The following PRR12 variants were observed in gnomAD, a reference collection of about 807,000 sequenced individuals.
PRR12 encodes proline rich 12.
PRR12 carries 12 observed loss-of-function variants against 138.0 expected under a neutral mutation model. That is an observed-to-expected ratio of 0.09 (90% confidence interval 0.06 to 0.14). The LOEUF is 0.14. PRR12 is among the 10% of genes least tolerant of loss of function. The pLI is 1.00. For synonymous variants in PRR12, 1,567 were observed against 1,291.7 expected, an observed-to-expected ratio of 1.21 and a Z score of -4.57; for missense variants, 2,692 against 2,861.3, an observed-to-expected ratio of 0.94 and a Z score of 1.35.
Position 49,614,942 on chromosome 19 carries a change from G to A in PRR12, c.4957G>A (p.Val1653Ile). The stretch of plus-strand genomic sequence containing the variant: ...CCTCTATGTAAAGTTCCTGGAAAAT[G>A]TCAATAAGAAGGACTACGTGAGGGT... ...QRLYVKFLEN[V>I]NKKDYVRVCA... The change falls in exon 8 of 14, where the codon GTC (valine) becomes ATC (isoleucine). Residue 1653 changes from valine to isoleucine, a missense_variant. Coordinates refer to ENST00000418929, the MANE Select transcript of PRR12 (RefSeq NM_020719.3). This position sits in a 1 kb window ranked among gnomAD's most constrained non-coding sequence, Gnocchi z 5.0. 2 of 1,614,032 alleles carry A rather than the reference G, an allele frequency of 1.2e-6. No homozygotes were observed. The highest frequency in any genetic ancestry group is 1.1e-5 in the South Asian group (1 of 91,086).
chr19:49,601,544 C>A lies in PRR12; in HGVS notation c.4399C>A (p.Pro1467Thr), dbSNP rs754462329. Residue 1467 changes from proline to threonine, a missense_variant, in exon 6 of 14, where the codon CCT (proline) becomes ACT (threonine). Physicochemically the swap from Pro to Thr is conservative, Grantham distance 38. This residue lies in a region of PRR12 where 231 missense variants were observed against 200.8 expected (regional missense o/e 1.15). Coordinates refer to ENST00000418929, the MANE Select transcript of PRR12 (RefSeq NM_020719.3). The stretch of plus-strand genomic sequence containing the variant: ...ACCCACTCCACCTCCTGCCCCGACT[C>A]CTCAGCCTCAGCCTCCGCCACCCCC... ...PPPTPPPAPT[P>T]QPQPPPPPPP... is the part of the protein sequence containing the mutation. 9.7e-6 allele frequency: 15 copies of A among 1,539,414 alleles called. No individual in the cohort carries two copies. In the South Asian group the frequency reaches 1.4e-4, roughly 15 times the overall value.
rs781546463 is a variant in PRR12, at chr19:49,595,784, C to T, written c.1449C>T (p.Pro483=). The T allele has an allele frequency of 1.3e-6, 2 of 1,599,178 alleles. No individual in the cohort carries two copies. Among genetic ancestry groups the T allele is most frequent in the South Asian group, 1.1e-5 (1 of 90,038 alleles). ...PSYSGGPPQP[P]SGPPPPGLAT... is the part of the protein sequence containing the mutation. ...ACTCAGGGGGCCCCCCACAGCCCCC[C>T]AGCGGCCCCCCTCCTCCTGGCCTGG... is the stretch of plus-strand genomic sequence containing the variant. Residue 483 remains proline, a synonymous_variant, in exon 4 of 14, where the codon CCC becomes CCT. Coordinates refer to ENST00000418929, the MANE Select transcript of PRR12 (RefSeq NM_020719.3).
At chr19:49,601,447 G>A in intron 5 of PRR12, 44 bp from the exon 6 acceptor site, 1 of 1,106,488 alleles carries the variant, frequency 9.0e-7, no homozygotes, top group Non-Finnish European at 1.3e-6. Flanking sequence ...AAGGTGCCAG[G>A]AATGATGAAT....
rs944585668 is a variant in PRR12 at position 49,594,636 on chromosome 19, G to T, written c.361+21G>T. ...AACAGGTAAGCCCAGCGCCGGCCCT[G>T]CAGGGCCAGGGTGGGACTGGCTCGC... On this transcript the variant is annotated intron_variant, in intron 3 of 13. Transcript: ENST00000418929. This position sits in a 1 kb window ranked among gnomAD's most constrained non-coding sequence, Gnocchi z 5.6. The T allele has an allele frequency of 6.2e-7, 1 of 1,611,148 alleles. No homozygotes were observed. The highest frequency in any genetic ancestry group is 1.7e-5 in the Admixed American group (1 of 59,930).
Position 49,620,428 on chromosome 19 carries a change from G to T in PRR12, c.5574G>T (p.Val1858=). The T allele has an allele frequency of 6.3e-7, 1 of 1,599,468 alleles. No homozygotes were observed. The highest frequency in any genetic ancestry group is 1.1e-5 in the South Asian group (1 of 88,760). The change falls in exon 10 of 14, where the codon GTG becomes GTT. Residue 1858 remains valine (V), a synonymous_variant. Coordinates refer to ENST00000418929, the MANE Select transcript of PRR12 (RefSeq NM_020719.3). ...ACCGGAGCTACGTGGAGATGTTGGT[G>T]AGCACAGCACTTGACCCAGACATGA... The part of the protein sequence containing the change: ...EMYRSYVEML[V]STALDPDMIQ...
In PRR12 at chr19:49,601,732, G is replaced by C. The variant is rs1315157256; in HGVS notation, c.4587G>C (p.Glu1529Asp). The part of the protein sequence containing the change: ...AAAPLAAPPE[E>D]PAAPSPEDPE... ...CCCCACTGGCTGCTCCTCCTGAGGA[G>C]CCCGCCGCCCCGTCTCCCGAAGACC... The change falls in exon 6 of 14, where the codon GAG becomes GAC. Residue 1529 changes from glutamate (E) to aspartate (D), a missense_variant. By Grantham distance (45) the Glu-to-Asp change is conservative. Around this residue, in one of 11 missense-constraint regions of PRR12, gnomAD observed 231 missense variants for 200.8 expected, o/e 1.15. Transcript: ENST00000418929. 2 of 1,546,836 alleles carry C rather than the reference G, an allele frequency of 1.3e-6. No individual in the cohort carries two copies.
At position 49,615,906 on chromosome 19, in the gene PRR12, C is replaced by G. The variant is rs1485161379; in HGVS notation, c.5184C>G (p.Ala1728=). Reference sequence around the variant, plus strand: ...AGACGGCCATGCCTGAGCCCCCTGCCCCCGAGAAGCCCTCCCTCCTGCGGC... The same window carrying G: ...AGACGGCCATGCCTGAGCCCCCTGCGCCCGAGAAGCCCTCCCTCCTGCGGC... ...TPETAMPEPP[A]PEKPSLLRPV... Residue 1728 remains alanine (A), a synonymous_variant, in exon 9 of 14, where the codon GCC becomes GCG. Transcript: ENST00000418929. 1 of 1,563,928 alleles carries G rather than the reference C, an allele frequency of 6.4e-7. No individual in the cohort carries two copies. The highest frequency in any genetic ancestry group is 8.7e-7 in the Non-Finnish European group (1 of 1,154,252).
Position 49,614,144 on chromosome 19 carries a change from G to A in PRR12, c.4774-389G>A, listed in dbSNP as rs1364117373. 6.6e-6 allele frequency among the ~76,000 whole-genome samples: 1 copy of A among 152,112 alleles called. No individual in the cohort carries two copies. On this transcript the variant is annotated intron_variant, in intron 6 of 13. Transcript: ENST00000418929. This position sits in a 1 kb window ranked among gnomAD's most constrained non-coding sequence, Gnocchi z 5.0. ...AAAAGTAAAAAGAGAATTATGTGGG[G>A]GGACAGTCAGACCACAACAGGACGT... is the stretch of plus-strand genomic sequence containing the variant.
intron 6 of PRR12, among the ~76,000 whole-genome samples, chr19:49,611,848 G>A (rs1202560517): frequency 2.8e-5 from 4 of 145,052 alleles, no homozygotes; most frequent in African/African-American, 5.4e-5. Flanking sequence ...GCGTGAACCC[G>A]GGAGGCGGAG....
chr19:49,592,514 C>T (rs1039861250), intron 1 of PRR12, among the ~76,000 whole-genome samples: 1 of 152,066 alleles, frequency 6.6e-6, no homozygotes, highest in Non-Finnish European at 1.5e-5. Flanking sequence ...CTGCCCCTTT[C>T]CTGTTGCTTA....
rs998907763 is a variant in PRR12, at chr19:49,591,549, G to GA, written c.-98dup. On this transcript the variant is annotated 5_prime_UTR_variant, in exon 1 of 14. Transcript: ENST00000418929. ...AAAAAAAGAGAGAGAGAAAAGGGGG[G>GA]AAAAAAAAGCAGCAGCGGAGGGAGC... The GA allele has an allele frequency of 2.2e-5, 14 of 648,488 alleles. No individual in the cohort carries two copies. The highest frequency in any genetic ancestry group is 4.4e-5 in the Admixed American group (1 of 22,916). The allele number at this position is 648,488 out of a possible 1,614,324, so 40.2% of individuals were successfully genotyped here. A position where few individuals can be genotyped will look rare whatever the true frequency, so the allele number is the denominator to read the frequency against.
At chr19:49,605,913 C>T (rs1248324030) in intron 6 of PRR12, among the ~76,000 whole-genome samples, 1 of 152,228 alleles carries the variant, frequency 6.6e-6, no homozygotes, top group African/African-American at 2.4e-5. Context: ...ATTTGTGGGC[C>T]TAGAGATGGG....
chr19:49,606,873 T>C (rs1445151919), intron 6 of PRR12, among the ~76,000 whole-genome samples: 1 of 152,040 alleles, frequency 6.6e-6, no homozygotes, highest in East Asian at 1.9e-4. Context: ...TAGAAACCAC[T>C]CTTAAAGCCC....
At chr19:49,622,719 G>A (rs1317794667) in intron 11 of PRR12, among the ~76,000 whole-genome samples, 6 of 149,410 alleles carry the variant, frequency 4.0e-5, no homozygotes, top group Admixed American at 6.7e-5. Context: ...GTGAAACCCC[G>A]TCTCTACTGA....
chr19:49,610,698 C>T (rs1413081750), intron 6 of PRR12, among the ~76,000 whole-genome samples: 2 of 152,078 alleles, frequency 1.3e-5, no homozygotes, highest in South Asian at 2.1e-4. Flanking sequence ...CCCGCCACCA[C>T]GTCCGTCTAA....
chr19:49,604,730 C>T (rs914455811), intron 6 of PRR12, among the ~76,000 whole-genome samples: 1 of 152,082 alleles, frequency 6.6e-6, no homozygotes, highest in African/African-American at 2.4e-5. Context: ...CCGTCACCAC[C>T]ATCCATCTCC....
At position 49,603,913 on chromosome 19, in the gene PRR12, C is replaced by T. The variant is rs141301214; in HGVS notation, c.4773+1995C>T. ...TCGGCTTACTGCAACCTCTGCTGCC[C>T]GGGTTCAAGCGATTCTCCTGCCTCA... On this transcript the variant is annotated intron_variant, in intron 6 of 13. Transcript: ENST00000418929. Among the ~76,000 whole-genome samples the T allele has an allele frequency of 2.2e-4, 33 of 151,988 alleles. No homozygotes were observed. The East Asian group carries it at 5.4e-3, about 25-fold the overall frequency.
chr19:49,603,043 T>G (rs2080820474), intron 6 of PRR12, among the ~76,000 whole-genome samples: 1 of 152,274 alleles, frequency 6.6e-6, no homozygotes, highest in East Asian at 1.9e-4. Context: ...ACATGTTGTC[T>G]ATGGCTGTTT....
intron 1 of PRR12, among the ~76,000 whole-genome samples, chr19:49,591,988 C>G (rs1410252479): frequency 6.6e-6 from 1 of 152,174 alleles, no homozygotes; most frequent in African/African-American, 2.4e-5. Context: ...AAAACAATTT[C>G]GGACGGGAAG....
Sources: gnomAD v4.1 joint callset for allele counts (sites outside exome capture counted in the v4.1 genomes callset) on GRCh38, gnomAD v4.1.1 for gene constraint, gnomAD v4.1.1 regional missense constraint, Gnocchi (gnomAD v3.1) non-coding constraint, MANE v1.5 for transcripts, NCBI Gene and HGNC (gene_info 2026-07-23, HGNC 2026-07-21) for gene names.